The following DLG2 variants were observed in gnomAD, a reference collection of about 807,000 sequenced individuals.
The protein encoded by DLG2 is discs large MAGUK scaffold protein 2, also known as disks large homolog 2.
In DLG2, 45 loss-of-function variants were observed where a neutral mutation model predicts 132.5. The observed-to-expected ratio is 0.34, with a 90% CI of 0.27 to 0.44. The LOEUF (loss-of-function observed/expected upper bound fraction) is 0.44. Among genes scored for constraint, DLG2 ranks in the 20% least tolerant of loss-of-function variants. The pLI is 1.00. For missense variants in DLG2, 1,045 were observed against 1,196.9 expected, an observed-to-expected ratio of 0.87 and a Z score of 1.87; for synonymous variants, 424 against 419.6, an observed-to-expected ratio of 1.01 and a Z score of -0.13.
chr11:83,819,953 A>AATG (rs2050287474), intron 17 of DLG2, among the ~76,000 whole-genome samples: 1 of 141,642 alleles, frequency 7.1e-6, no homozygotes, highest in Non-Finnish European at 1.5e-5. Context: ...TAATAATAAT[A>AATG]ATAATAAACA....
intron 19 of DLG2, among the ~76,000 whole-genome samples, chr11:83,562,259 T>C (rs1364254534): frequency 6.6e-6 from 1 of 151,978 alleles, no homozygotes; most frequent in East Asian, 1.9e-4. Flanking sequence ...TACACTCTTA[T>C]ATAGTTAAAG....
chr11:83,561,138 A>G (rs1431630399), intron 19 of DLG2, among the ~76,000 whole-genome samples: 4 of 152,196 alleles, frequency 2.6e-5, no homozygotes, highest in Non-Finnish European at 5.9e-5. Flanking sequence ...CAGCACCAAG[A>G]GCATTGTGCT....
Position 84,330,234 on chromosome 11 carries a change from A to G in DLG2, c.520-78943T>C, listed in dbSNP as rs552170911. On this transcript the variant is annotated intron_variant, in intron 7 of 27. Transcript: ENST00000376104. ...ACTCAATAAAGGTCAGTTTATTTCA[A>G]CTGAATGTCAGGATTCCATATTGGT... Among the ~76,000 whole-genome samples, 56 of 152,278 alleles carry G rather than the reference A, an allele frequency of 3.7e-4. No homozygotes were observed. The South Asian group carries it at 7.7e-3, about 21-fold the overall frequency.
chr11:85,120,706 T>C (rs1430342088), intron 5 of DLG2, among the ~76,000 whole-genome samples: 11 of 152,076 alleles, frequency 7.2e-5, no homozygotes, highest in Admixed American at 7.2e-4. Context: ...CTTTATGAAA[T>C]GTGTTTTCAT....
intron 15 of DLG2, among the ~76,000 whole-genome samples, chr11:83,878,493 C>T (rs1313155398): frequency 1.3e-5 from 2 of 152,124 alleles, no homozygotes; most frequent in East Asian, 3.8e-4. Flanking sequence ...TATAGAGCAC[C>T]TGAAACACAT....
intron 6 of DLG2, among the ~76,000 whole-genome samples, chr11:84,876,248 C>T (rs2086328280): frequency 6.6e-6 from 1 of 152,164 alleles, no homozygotes. Context: ...GGAATAGTTT[C>T]AGAAGGAATG....
intron 6 of DLG2, among the ~76,000 whole-genome samples, chr11:84,624,308 A>G (rs1466418340): frequency 6.6e-6 from 1 of 152,214 alleles, no homozygotes; most frequent in Non-Finnish European, 1.5e-5. Flanking sequence ...TATTACTCCC[A>G]CGATCACTAA....
At chr11:84,149,668 T>C (rs186143998) in intron 9 of DLG2, among the ~76,000 whole-genome samples, 9 of 152,324 alleles carry the variant, frequency 5.9e-5, no homozygotes, top group East Asian at 1.9e-4. Flanking sequence ...AGTTGTGTTC[T>C]TTTGCTTAGG....
intron 19 of DLG2, among the ~76,000 whole-genome samples, chr11:83,548,866 C>T (rs2096306290): frequency 6.6e-6 from 1 of 152,130 alleles, no homozygotes; most frequent in South Asian, 2.1e-4. Flanking sequence ...AAGCCTACAG[C>T]TTCTAGTCTT....
At chr11:85,410,418 A>G (rs2089206748) in intron 3 of DLG2, among the ~76,000 whole-genome samples, 1 of 151,884 alleles carries the variant, frequency 6.6e-6, no homozygotes, top group East Asian at 1.9e-4. Context: ...AGTAAAGTAG[A>G]AAAAGGTGCC....
intron 7 of DLG2, among the ~76,000 whole-genome samples, chr11:84,525,842 C>A (rs181090777): frequency 3.8e-4 from 58 of 152,272 alleles, no homozygotes; most frequent in African/African-American, 1.2e-3. Flanking sequence ...AGTATCCTAG[C>A]CAACTACTTG....
rs1421966471 is a variant in DLG2, at chr11:83,459,360, G to C, written c.*458C>G. The C allele has an allele frequency of 6.5e-6, 1 of 152,828 alleles. No homozygotes were observed. The highest frequency in any genetic ancestry group is 2.4e-5 in the African/African-American group (1 of 41,424). The allele number at this position is 152,828 out of a possible 1,614,324, so 9.5% of individuals were successfully genotyped here. ...TTTTCCTTCTTTCTTTCATTTGCTT[G>C]TTAAGAAATCAAAAGATGTGCATAG... On this transcript the variant is annotated 3_prime_UTR_variant, in exon 28 of 28. Transcript: ENST00000376104.
At chr11:85,285,519 A>C (rs2078499642) in intron 3 of DLG2, among the ~76,000 whole-genome samples, 154 bp from the exon 4 acceptor site, 1 of 152,038 alleles carries the variant, frequency 6.6e-6, no homozygotes, top group Non-Finnish European at 1.5e-5. Flanking sequence ...AAATCCTGAA[A>C]ATTATCTTTT....
chr11:84,043,036 T>C (rs1423402300), intron 11 of DLG2, among the ~76,000 whole-genome samples: 1 of 151,840 alleles, frequency 6.6e-6, no homozygotes. Context: ...TGGACATATA[T>C]GTATATGCTA....
chr11:85,553,756 T>C (rs916985107), intron 3 of DLG2, among the ~76,000 whole-genome samples: 1 of 151,396 alleles, frequency 6.6e-6, no homozygotes, highest in African/African-American at 2.4e-5. Flanking sequence ...AGAATAAGTT[T>C]ACAGAATATA....
chr11:85,519,287 G>A (rs916638161), intron 3 of DLG2, among the ~76,000 whole-genome samples: 1 of 152,212 alleles, frequency 6.6e-6, no homozygotes, highest in Non-Finnish European at 1.5e-5. Flanking sequence ...GATGGAGGCT[G>A]TACCCTGAAA....
intron 3 of DLG2, among the ~76,000 whole-genome samples, chr11:85,455,377 T>C (rs535557354): frequency 1.3e-5 from 2 of 152,222 alleles, no homozygotes; most frequent in Non-Finnish European, 2.9e-5. Context: ...TGATTTTGTA[T>C]CCCAAAACTT....
intron 6 of DLG2, among the ~76,000 whole-genome samples, chr11:84,693,742 T>C (rs897675066): frequency 2.6e-5 from 4 of 151,666 alleles, no homozygotes; most frequent in Non-Finnish European, 5.9e-5. Flanking sequence ...AACACTGTAC[T>C]TGCACCATAT....
chr11:84,493,297 C>A (rs530319956), intron 7 of DLG2, among the ~76,000 whole-genome samples: 19 of 152,074 alleles, frequency 1.2e-4, no homozygotes, highest in Non-Finnish European at 2.1e-4. Context: ...TTTGCCATCA[C>A]CAAGCAGTGA....
Sources: allele counts gnomAD v4.1 joint callset (sites outside exome capture counted in the v4.1 genomes callset), GRCh38; gene constraint gnomAD v4.1.1; transcripts MANE v1.5; gene names NCBI Gene and HGNC (gene_info 2026-07-23, HGNC 2026-07-21).